Variants in CERS6 observed in about 807,000 individuals in gnomAD.
CERS6 encodes LAG1 homolog, ceramide synthase 6.
In CERS6, 26 loss-of-function variants were observed where a neutral mutation model predicts 56.8. That is an observed-to-expected ratio of 0.46 (90% CI 0.34 to 0.63). The LOEUF (loss-of-function observed/expected upper bound fraction) is 0.63, where lower values mean the gene tolerates loss of function less well. CERS6 is among the 30% of genes least tolerant of loss of function. The probability of loss-of-function intolerance (pLI) is 0.01; values close to 1 mark genes in which losing one functional copy is unlikely to be tolerated. For synonymous variants in CERS6, 164 were observed against 173.3 expected (o/e 0.95, Z 0.42); for missense variants, 415 against 467.5 (o/e 0.89, Z 1.04).
chr2:168,550,850 A>C (rs368743162), intron 2 of CERS6, among the ~76,000 whole-genome samples: 17 of 151,762 alleles, frequency 1.1e-4, no homozygotes, highest in African/African-American at 3.9e-4. Flanking sequence ...TCGATCCCCC[A>C]CTCTCTGTGT....
At chr2:168,668,095 G>A (rs1182686181) in intron 4 of CERS6, among the ~76,000 whole-genome samples, 5 of 152,176 alleles carry the variant, frequency 3.3e-5, no homozygotes, top group African/African-American at 4.8e-5. Flanking sequence ...AGTAATTGGT[G>A]TGGAATCAAC....
At chr2:168,502,664 A>T (rs1558974525) in intron 1 of CERS6, among the ~76,000 whole-genome samples, 1 of 152,240 alleles carries the variant, frequency 6.6e-6, no homozygotes, top group Non-Finnish European at 1.5e-5. Context: ...TGCCAAAATC[A>T]TGAGCAACTC....
chr2:168,664,689 G>A (rs1685712941), intron 4 of CERS6, among the ~76,000 whole-genome samples: 1 of 152,176 alleles, frequency 6.6e-6, no homozygotes, highest in Non-Finnish European at 1.5e-5. Flanking sequence ...TGGGAGTGTA[G>A]CAGTGAGGAT....
intron 4 of CERS6, among the ~76,000 whole-genome samples, chr2:168,657,385 TC>T (rs1432525448): frequency 6.6e-6 from 1 of 152,268 alleles, no homozygotes. Context: ...ACCTAGTGGA[TC>T]CCGCACCGGG....
At chr2:168,733,136 T>G in intron 8 of CERS6, among the ~76,000 whole-genome samples, 1 of 152,220 alleles carries the variant, frequency 6.6e-6, no homozygotes, top group East Asian at 1.9e-4. Context: ...AAATGGAACA[T>G]GTTTATCACA....
At chr2:168,684,505 A>G (rs1226978076) in intron 4 of CERS6, among the ~76,000 whole-genome samples, 1 of 152,254 alleles carries the variant, frequency 6.6e-6, no homozygotes, top group Non-Finnish European at 1.5e-5. Flanking sequence ...TTAAAATTGT[A>G]GATTATCATC....
intron 3 of CERS6, among the ~76,000 whole-genome samples, chr2:168,622,880 A>G (rs1007384231): frequency 6.6e-6 from 1 of 152,242 alleles, no homozygotes; most frequent in African/African-American, 2.4e-5. Flanking sequence ...TTCTTTGGAC[A>G]TTAGTTTCTT....
intron 1 of CERS6, among the ~76,000 whole-genome samples, chr2:168,531,633 C>T (rs7570784): frequency 0.75 from 114,393 of 151,954 alleles, 43,166 homozygotes; most frequent in South Asian, 0.89. Context: ...ACCAGCATGA[C>T]CAACATGGTG....
chr2:168,743,555 A>T (rs1683993281), intron 8 of CERS6, among the ~76,000 whole-genome samples: 1 of 152,240 alleles, frequency 6.6e-6, no homozygotes, highest in African/African-American at 2.4e-5. Flanking sequence ...CTGTCTCAAA[A>T]AAATAAAAAA....
chr2:168,547,729 A>G, intron 2 of CERS6, 28 bp downstream of exon 2: 11 of 1,426,418 alleles, frequency 7.7e-6, no homozygotes, highest in Non-Finnish European at 1.1e-5. Context: ...TGGGGTATAG[A>G]TTGTCCCCGG....
intron 4 of CERS6, among the ~76,000 whole-genome samples, chr2:168,678,662 GCTC>G (rs1686132230): frequency 6.6e-6 from 1 of 152,112 alleles, no homozygotes; most frequent in Non-Finnish European, 1.5e-5. Flanking sequence ...AGGTGGCGTG[GCTC>G]CAGAAGCCCT....
At chr2:168,722,950 T>G (rs1683222748) in intron 8 of CERS6, among the ~76,000 whole-genome samples, 1 of 152,154 alleles carries the variant, frequency 6.6e-6, no homozygotes, top group South Asian at 2.1e-4. Flanking sequence ...GGCCTTGCTG[T>G]TCCTAGGACA....
chr2:168,612,030 A>G (rs1317226974), intron 3 of CERS6, among the ~76,000 whole-genome samples: 3 of 152,238 alleles, frequency 2.0e-5, no homozygotes, highest in East Asian at 1.9e-4. Context: ...AGCTATATAA[A>G]AATAGTAATG....
At chr2:168,691,512 C>G (rs1480358774) in intron 5 of CERS6, among the ~76,000 whole-genome samples, 1 of 152,164 alleles carries the variant, frequency 6.6e-6, no homozygotes, top group Admixed American at 6.5e-5. Flanking sequence ...GACCTAGAAG[C>G]AGCCTCCAAA....
chr2:168,458,168 T>C (rs1233859612), intron 1 of CERS6, among the ~76,000 whole-genome samples: 6 of 152,196 alleles, frequency 3.9e-5, no homozygotes. Context: ...GTTTGCTCTA[T>C]GTTGGCACAT....
At chr2:168,625,538 A>T (rs370858634) in intron 3 of CERS6, among the ~76,000 whole-genome samples, 1 of 152,212 alleles carries the variant, frequency 6.6e-6, no homozygotes, top group African/African-American at 2.4e-5. Flanking sequence ...GTGGTCAGAA[A>T]TGCAAAGATA....
At chr2:168,503,864 A>G (rs1694629686) in intron 1 of CERS6, among the ~76,000 whole-genome samples, 2 of 152,214 alleles carry the variant, frequency 1.3e-5, no homozygotes, top group African/African-American at 4.8e-5. Flanking sequence ...GCCATCAAAG[A>G]CAAGTTGGGG....
intron 8 of CERS6, 77 bp downstream of exon 8, chr2:168,718,055 T>C: frequency 9.8e-7 from 1 of 1,019,860 alleles, no homozygotes; most frequent in East Asian, 2.4e-5. Context: ...TTTTGAATTT[T>C]ACTGTAAGTA....
Position 168,770,781 on chromosome 2 carries a change from T to C in CERS6, c.*1119T>C, listed in dbSNP as rs1016351228. 6.6e-6 allele frequency: 1 copy of C among 152,588 alleles called. No homozygotes were observed. Among genetic ancestry groups the C allele is most frequent in the Non-Finnish European group, 1.5e-5 (1 of 68,030 alleles). The allele number at this position is 152,588 out of a possible 1,614,324, so 9.5% of individuals were successfully genotyped here. A position where few individuals can be genotyped will look rare whatever the true frequency, so the allele number is the denominator to read the frequency against. On this transcript the variant is annotated 3_prime_UTR_variant, in exon 10 of 10. Coordinates refer to ENST00000305747, the MANE Select transcript of CERS6 (RefSeq NM_203463.3). ...GAGAAAGACTATTTTACCCTTTGCTTTTCTCCTTAAACGTAATCCAGATGA... is the reference window on the plus strand; with the variant it reads ...GAGAAAGACTATTTTACCCTTTGCTCTTCTCCTTAAACGTAATCCAGATGA...
Sources: gnomAD v4.1 joint callset for allele counts (sites outside exome capture counted in the v4.1 genomes callset) on GRCh38, gnomAD v4.1.1 for gene constraint, MANE v1.5 for transcripts, NCBI Gene and HGNC (gene_info 2026-07-23, HGNC 2026-07-21) for gene names.